Variants in BRF1 observed in about 807,000 individuals in gnomAD.
BRF1 encodes the protein transcription factor IIIB 90 kDa subunit.
Under a neutral mutation model 81.7 loss-of-function variants are expected in BRF1, and 59 were observed. The ratio of observed to expected loss-of-function variants is 0.72; its 90% CI spans 0.59 to 0.90. BRF1 has a LOEUF of 0.90. Among genes scored for constraint, BRF1 ranks in the 40% least tolerant of loss-of-function variants. The pLI, the probability that BRF1 is intolerant of heterozygous loss-of-function variation, is 0.00. For missense variants in BRF1, 1,050 were observed against 936.3 expected (o/e 1.12, Z -1.58); for synonymous variants, 491 against 395.6 (o/e 1.24, Z -2.86).
At chr14:105,219,759 A>G (rs1286342207) in intron 12 of BRF1, 3 of 496,544 alleles carry the variant, frequency 6.0e-6, no homozygotes, top group African/African-American at 1.9e-5. Context: ...TTGTGTCTAG[A>G]GACCCCTCGA....
intron 1 of BRF1, among the ~76,000 whole-genome samples, chr14:105,291,217 C>T (rs2140505295): frequency 6.6e-6 from 1 of 152,248 alleles, no homozygotes; most frequent in South Asian, 2.1e-4. Flanking sequence ...CGCAGGGGCA[C>T]CTCTGAGCTC....
intron 1 of BRF1, among the ~76,000 whole-genome samples, chr14:105,294,892 A>G (rs2057669432): frequency 6.6e-6 from 1 of 152,228 alleles, no homozygotes; most frequent in Admixed American, 6.5e-5. Flanking sequence ...GAAACACAGC[A>G]TCTTAAATAT....
chr14:105,215,549 A>G (rs587752901), intron 15 of BRF1, among the ~76,000 whole-genome samples: 3 of 151,856 alleles, frequency 2.0e-5, no homozygotes, highest in African/African-American at 7.3e-5. Context: ...AGACACAGGC[A>G]CACACACATG....
At chr14:105,289,037 A>G (rs1303894622) in intron 1 of BRF1, among the ~76,000 whole-genome samples, 3 of 145,968 alleles carry the variant, frequency 2.1e-5, no homozygotes, top group Non-Finnish European at 4.6e-5. Flanking sequence ...CCCTGTCTCA[A>G]AAAAAAAAAA....
At chr14:105,275,564 C>T (rs1440292584) in intron 2 of BRF1, among the ~76,000 whole-genome samples, 3 of 152,370 alleles carry the variant, frequency 2.0e-5, no homozygotes, top group African/African-American at 4.8e-5. Flanking sequence ...GCTGAAGCTA[C>T]GGCTCCTTAC....
intron 2 of BRF1, among the ~76,000 whole-genome samples, chr14:105,275,080 C>A (rs1293334233): frequency 6.6e-6 from 1 of 152,230 alleles, no homozygotes; most frequent in Non-Finnish European, 1.5e-5. Context: ...TTGATAAGGG[C>A]ACATGAGCTG....
At position 105,219,169 on chromosome 14, in the gene BRF1, ACTCGGCGTTCTCCCTCATCCACAG is replaced by A; in HGVS notation, c.1417_1440del (p.Leu473_Glu480del). ...CGCTTACCCCTCTGTTCCCGCAGGT[ACTCGGCGTTCTCCCTCATCCACAG>A]CTCGGCCTTCACGCGGGCTTCCGAC... On this transcript the variant is annotated inframe_deletion, in exon 13 of 18. Transcript: ENST00000547530. 1 of 1,612,176 alleles carries A rather than the reference ACTCGGCGTTCTCCCTCATCCACAG, an allele frequency of 6.2e-7. No individual in the cohort carries two copies. Among genetic ancestry groups the A allele is most frequent in the Non-Finnish European group, 8.5e-7 (1 of 1,178,628 alleles).
chr14:105,241,468 C>G, intron 5 of BRF1, 54 bp from the exon 6 acceptor site: 1 of 1,600,878 alleles, frequency 6.2e-7, no homozygotes, highest in Non-Finnish European at 8.5e-7. Flanking sequence ...GGCACGTGCA[C>G]AGGCGGCCCA....
chr14:105,281,483 A>G (rs1481314934), intron 2 of BRF1, among the ~76,000 whole-genome samples: 64 of 103,650 alleles, frequency 6.2e-4, no homozygotes, highest in Middle Eastern at 7.5e-3. Context: ...CCCTGAGCCC[A>G]GGTGTGCGGA....
At chr14:105,305,669 G>T (rs1206238340), upstream of BRF1, among the ~76,000 whole-genome samples, 1 of 152,242 alleles carries the variant, frequency 6.6e-6, no homozygotes, top group Admixed American at 6.5e-5. Context: ...ATGGAGCCAG[G>T]TTAGAGGGAG....
intron 5 of BRF1, chr14:105,247,769 G>A (rs909177538): frequency 2.0e-6 from 2 of 985,418 alleles, no homozygotes; most frequent in African/African-American, 3.5e-5. Flanking sequence ...TGACAGCCAG[G>A]CCTCTGGAGC....
intron 3 of BRF1, among the ~76,000 whole-genome samples, chr14:105,262,375 A>AC (rs2140351050): frequency 6.6e-6 from 1 of 152,144 alleles, no homozygotes; most frequent in South Asian, 2.1e-4. Flanking sequence ...GGGGTAGGAG[A>AC]CCTGCTGGCT....
At chr14:105,282,947 C>G (rs2057168817) in intron 2 of BRF1, among the ~76,000 whole-genome samples, 2 of 152,076 alleles carry the variant, frequency 1.3e-5, no homozygotes, top group Admixed American at 1.3e-4. Context: ...AACAAACAAA[C>G]AAACAAAAGG....
At chr14:105,314,662 G>T (rs1265289267) in intron 1 of BRF1, 1 of 143,546 alleles carries the variant, frequency 7.0e-6, no homozygotes, top group Non-Finnish European at 1.5e-5. Context: ...GCGCCGGCGC[G>T]GGTCGGAGGG....
chr14:105,256,222 C>G (rs1478801301), intron 4 of BRF1: 1 of 1,537,934 alleles, frequency 6.5e-7, no homozygotes, highest in Non-Finnish European at 8.7e-7. Context: ...AAATAATCTC[C>G]TTTGTGTAGG....
At chr14:105,311,910 G>A (rs1219880793) in intron 1 of BRF1, among the ~76,000 whole-genome samples, 1 of 152,208 alleles carries the variant, frequency 6.6e-6, no homozygotes, top group Non-Finnish European at 1.5e-5. Flanking sequence ...CTAGGGGTTC[G>A]GCAGTTCTGT....
chr14:105,223,028 T>C (rs1199424194), intron 10 of BRF1, among the ~76,000 whole-genome samples: 1 of 152,100 alleles, frequency 6.6e-6, no homozygotes, highest in African/African-American at 2.4e-5. Flanking sequence ...CCTGTCTCTA[T>C]GAAGAAATGT....
intron 1 of BRF1, among the ~76,000 whole-genome samples, chr14:105,313,428 T>C (rs2140722551): frequency 6.6e-6 from 1 of 152,348 alleles, no homozygotes; most frequent in East Asian, 1.9e-4. Context: ...CTCATGGCTC[T>C]CAGTGTACCA....
chr14:105,251,697 T>TA (rs1336677761), intron 5 of BRF1, among the ~76,000 whole-genome samples: 1 of 151,972 alleles, frequency 6.6e-6, no homozygotes, highest in Admixed American at 6.6e-5. Flanking sequence ...CCAAAGGACA[T>TA]ACGCTCCTAG....
Sources: allele counts gnomAD v4.1 joint callset (sites outside exome capture counted in the v4.1 genomes callset), GRCh38; gene constraint gnomAD v4.1.1; transcripts MANE v1.5; gene names NCBI Gene and HGNC (gene_info 2026-07-23, HGNC 2026-07-21).